Variants in MARS1 observed in about 807,000 individuals in gnomAD.
The protein encoded by MARS1 is methionine--tRNA ligase, cytoplasmic.
In MARS1, 80 loss-of-function variants were observed where a neutral mutation model predicts 119.5. That is an observed-to-expected ratio of 0.67 (90% CI 0.56 to 0.81). MARS1 has a LOEUF of 0.81. Among genes scored for constraint, MARS1 ranks in the 30% least tolerant of loss-of-function variants. MARS1 has a pLI of 0.00. For synonymous variants in MARS1, 418 were observed against 433.4 expected, an observed-to-expected ratio of 0.96 and a Z score of 0.44; for missense variants, 945 against 1,116.5, an observed-to-expected ratio of 0.85 and a Z score of 2.19.
intron 10 of MARS1, among the ~76,000 whole-genome samples, chr12:57,502,522 A>G (rs1360853910): frequency 6.6e-6 from 1 of 151,692 alleles, no homozygotes; most frequent in Non-Finnish European, 1.5e-5. Context: ...TCTGACCAAC[A>G]TGGCGAAACC....
intron 10 of MARS1, among the ~76,000 whole-genome samples, chr12:57,502,720 A>T (rs1169552342): frequency 6.9e-6 from 1 of 144,754 alleles, no homozygotes; most frequent in Admixed American, 6.9e-5. Context: ...AAAAAAAAAA[A>T]AAGCAACAAC....
chr12:57,489,089 C>A lies in MARS1; in HGVS notation c.180C>A (p.Phe60Leu), dbSNP rs148642961. The A allele has an allele frequency of 1.3e-5, 21 of 1,613,940 alleles. No homozygotes were observed. Among genetic ancestry groups the A allele is most frequent in the Non-Finnish European group, 1.8e-5 (21 of 1,180,038 alleles). Residue 60 changes from phenylalanine to leucine, a missense_variant, in exon 2 of 21, where the codon TTC (phenylalanine) becomes TTA (leucine). Physicochemically the swap from Phe to Leu is conservative, Grantham distance 22. Transcript: ENST00000262027. ...VLQLDSGNYL[F>L]STSAICRYFF... ...AGCTGGATAGCGGCAACTACCTCTTCTCCACTAGTGCAATCTGCCGGTCAG... is the reference window on the plus strand; with the variant it reads ...AGCTGGATAGCGGCAACTACCTCTTATCCACTAGTGCAATCTGCCGGTCAG...
chr12:57,500,219 T>C, intron 9 of MARS1, 102 bp from the exon 10 acceptor site: 2 of 928,130 alleles, frequency 2.2e-6, no homozygotes, highest in Non-Finnish European at 3.5e-6. Context: ...TTCTGCCTGA[T>C]TTCTTTGTCA....
At chr12:57,513,066 C>A in intron 15 of MARS1, 102 bp downstream of exon 15, 3 of 930,518 alleles carry the variant, frequency 3.2e-6, no homozygotes, top group South Asian at 1.4e-5. Flanking sequence ...GGGCAGGAGG[C>A]TGTGAGGACA....
intron 11 of MARS1, among the ~76,000 whole-genome samples, chr12:57,506,675 CTT>C (rs1877192465): frequency 6.6e-6 from 1 of 151,992 alleles, no homozygotes; most frequent in Non-Finnish European, 1.5e-5. Context: ...TGGGAATACA[CTT>C]TATTTTTTTC....
chr12:57,514,381 G>A (rs1488192988), intron 15 of MARS1, among the ~76,000 whole-genome samples: 1 of 152,064 alleles, frequency 6.6e-6, no homozygotes, highest in Non-Finnish European at 1.5e-5. Context: ...GGCTGGTCTT[G>A]AACTTCTGAC....
chr12:57,498,015 T>G, intron 7 of MARS1, 142 bp from the exon 8 acceptor site: 1 of 672,658 alleles, frequency 1.5e-6, no homozygotes, highest in Non-Finnish European at 2.7e-6. Flanking sequence ...TGTGGTCCTG[T>G]GGGTTTGTGT....
At chr12:57,506,662 G>A (rs922953598) in intron 11 of MARS1, among the ~76,000 whole-genome samples, 1 of 152,084 alleles carries the variant, frequency 6.6e-6, no homozygotes, top group Non-Finnish European at 1.5e-5. Context: ...CTTATGAGCA[G>A]TCTGGGAATA....
chr12:57,491,791 AATT>A (rs1220500465), intron 7 of MARS1, among the ~76,000 whole-genome samples: 2 of 152,106 alleles, frequency 1.3e-5, no homozygotes, highest in Non-Finnish European at 2.9e-5. Flanking sequence ...GTCAAAATGA[AATT>A]ATTTACAGTT....
intron 1 of MARS1, chr12:57,488,795 C>T: frequency 1.1e-6 from 1 of 871,650 alleles, no homozygotes; most frequent in Non-Finnish European, 1.8e-6. Context: ...CCTCTGCAGT[C>T]CCCATCTGTT....
Position 57,493,514 on chromosome 12 carries a change from ATATATAATATATTATAATATATAATATAT to A in MARS1, c.770+2875_770+2903del, listed in dbSNP as rs1876201224. Among the ~76,000 whole-genome samples, 71 of 9,552 alleles carry A rather than the reference ATATATAATATATTATAATATATAATATAT, an allele frequency of 7.4e-3. 11 individuals carry two copies. The highest frequency in any genetic ancestry group is 0.028 in the South Asian group (8 of 284). The allele number at this position is 9,552 out of a possible 152,430, so 6.3% of individuals were successfully genotyped here. A position where few individuals can be genotyped will look rare whatever the true frequency, so the allele number is the denominator to read the frequency against. On this transcript the variant is annotated intron_variant, in intron 7 of 20. Transcript: ENST00000262027. ...AATATATTATAATATATAATATATA[ATATATAATATATTATAATATATAATATAT>A]TATAATATATAATATATAATATATT...
At chr12:57,494,958 C>T (rs1317642524) in intron 7 of MARS1, among the ~76,000 whole-genome samples, 1 of 152,222 alleles carries the variant, frequency 6.6e-6, no homozygotes, top group East Asian at 1.9e-4. Context: ...CCCCACATTT[C>T]CCCCTTTTCT....
At chr12:57,494,763 C>T (rs1046458685) in intron 7 of MARS1, among the ~76,000 whole-genome samples, 5 of 151,962 alleles carry the variant, frequency 3.3e-5, no homozygotes, top group African/African-American at 1.2e-4. Flanking sequence ...TCTTGCACCG[C>T]CCTTAATCCA....
Position 57,516,290 on chromosome 12 carries a change from G to A in MARS1, c.2509G>A (p.Ala837Thr), listed in dbSNP as rs758663611. The change falls in exon 20 of 21, where the codon GCC (alanine) becomes ACC (threonine). Residue 837 changes from alanine (A) to threonine (T), a missense_variant. By Grantham distance (58) the Ala-to-Thr change is moderately conservative. Coordinates refer to ENST00000262027, the MANE Select transcript of MARS1 (RefSeq NM_004990.4). ...KPAVVETVTT[A>T]KPQQIQALMD... Reference sequence around the variant, plus strand: ...AGCAGTTGTAGAGACTGTTACAACAGCCAAGCCACAGCAGATACAAGCGCT... The same window carrying A: ...AGCAGTTGTAGAGACTGTTACAACAACCAAGCCACAGCAGATACAAGCGCT... The A allele has an allele frequency of 5.6e-6, 9 of 1,614,192 alleles. No homozygotes were observed. In the East Asian group the frequency reaches 1.6e-4, roughly 28 times the overall value.
In MARS1 at chr12:57,504,206, CT is replaced by C; in HGVS notation, c.1294-18del. 1 of 1,605,992 alleles carries C rather than the reference CT, an allele frequency of 6.2e-7. No individual in the cohort carries two copies. The highest frequency in any genetic ancestry group is 1.1e-5 in the South Asian group (1 of 90,922). On this transcript the variant is annotated intron_variant, in intron 10 of 20. Transcript: ENST00000262027. ...CTGGCCTGCAGGCCTGATCTGTCCT[CT>C]GGAATTTTCCTTCGCAGAAGCCTCA...
intron 7 of MARS1, among the ~76,000 whole-genome samples, chr12:57,495,488 C>T (rs193017880): frequency 6.6e-5 from 10 of 151,838 alleles, no homozygotes; most frequent in African/African-American, 2.2e-4. Context: ...AGGTTGACGG[C>T]GGGGAAGAGG....
chr12:57,508,567 A>G (rs1289841761), intron 11 of MARS1, among the ~76,000 whole-genome samples: 2 of 152,284 alleles, frequency 1.3e-5, no homozygotes, highest in Admixed American at 1.3e-4. Context: ...AGGCTGAGGC[A>G]GGAGAATCAG....
Position 57,515,188 on chromosome 12 carries a change from T to C in MARS1, c.2243T>C (p.Ile748Thr), listed in dbSNP as rs921794768. 1 of 1,614,204 alleles carries C rather than the reference T, an allele frequency of 6.2e-7. No individual in the cohort carries two copies. The highest frequency in any genetic ancestry group is 1.3e-5 in the African/African-American group (1 of 75,060). Residue 748 changes from isoleucine (I) to threonine (T), a missense_variant, in exon 18 of 21, where the codon ATA becomes ACA. Transcript: ENST00000262027. ...AGTVTGLAVNIAALLSVMLQP... is the reference protein window; with the variant it reads ...AGTVTGLAVNTAALLSVMLQP... ...ACAGTGACTGGCTTGGCAGTGAATATAGCTGCCTTGCTCTCTGTCATGCTT... is the reference window on the plus strand; with the variant it reads ...ACAGTGACTGGCTTGGCAGTGAATACAGCTGCCTTGCTCTCTGTCATGCTT...
At chr12:57,504,146 C>T (rs952708134) in intron 10 of MARS1, 79 bp from the exon 11 acceptor site, 2 of 936,822 alleles carry the variant, frequency 2.1e-6, no homozygotes, top group Non-Finnish European at 3.5e-6. Flanking sequence ...AGGAGCTAAT[C>T]CTTCTCTGCT....
Sources: gnomAD v4.1 joint callset for allele counts (sites outside exome capture counted in the v4.1 genomes callset) on GRCh38, gnomAD v4.1.1 for gene constraint, MANE v1.5 for transcripts, NCBI Gene and HGNC (gene_info 2026-07-23, HGNC 2026-07-21) for gene names.